OR7E24: variants seen among roughly 807,000 people sequenced by gnomAD.
The protein encoded by OR7E24 is olfactory receptor 7E24.
For missense variants in OR7E24, 385 were observed against 410.3 expected (o/e 0.94, Z 0.53); for synonymous variants, 130 against 157.5 (o/e 0.83, Z 1.31).
At chr19:9,226,766 T>C in the OR7E24 span, among the ~76,000 whole-genome samples, 13 of 152,178 alleles carry the variant, frequency 8.5e-5, no homozygotes, top group Non-Finnish European at 1.2e-4. Context: ...CTACTTACTT[T>C]TACAGCCTTT....
At chr19:9,246,251 G>A (rs1474869904), upstream of OR7E24, among the ~76,000 whole-genome samples, 2 of 151,374 alleles carry the variant, frequency 1.3e-5, no homozygotes, top group Non-Finnish European at 3.0e-5. Context: ...TGTATTTTTA[G>A]TAGAGACAGG....
At chr19:9,225,664 C>T in the OR7E24 span, among the ~76,000 whole-genome samples, 523 of 152,198 alleles carry the variant, frequency 3.4e-3, 3 homozygotes, top group South Asian at 6.4e-3. Flanking sequence ...TTCCCTAAAA[C>T]GACACAAAGG....
chr19:9,231,003 C>A, the OR7E24 span, among the ~76,000 whole-genome samples: 2 of 152,086 alleles, frequency 1.3e-5, no homozygotes, highest in African/African-American at 4.8e-5. Flanking sequence ...CCTCCGCCTC[C>A]GCCTTCAAGT....
chr19:9,251,091 G>C lies in OR7E24; in HGVS notation c.48G>C (p.Pro16=), dbSNP rs60144766. The change falls in exon 1 of 1, where the codon CCG becomes CCC. Residue 16 remains proline, a synonymous_variant. Transcript: ENST00000456448. ...ILFFFFLKRC[P]SYTEPQNLTG... ...TTTTTTTTTTCCTCAAAAGGTGTCC[G>C]AGCTACACAGAGCCACAGAATCTCA... 6.2e-7 allele frequency: 1 copy of C among 1,611,506 alleles called. No homozygotes were observed. The highest frequency in any genetic ancestry group is 8.5e-7 in the Non-Finnish European group (1 of 1,178,896).
the OR7E24 span, among the ~76,000 whole-genome samples, chr19:9,229,398 G>A: frequency 3.6e-4 from 54 of 151,928 alleles, no homozygotes; most frequent in Non-Finnish European, 7.4e-4. Flanking sequence ...AGCCGGGCGT[G>A]GTGGCAGGTG....
chr19:9,236,003 C>T, the OR7E24 span: 142 of 1,611,642 alleles, frequency 8.8e-5, no homozygotes, highest in Non-Finnish European at 1.2e-4. Flanking sequence ...ATGCTGAACC[C>T]CTTCATCTAC....
At chr19:9,214,686 G>A in the OR7E24 span, 1 of 1,614,184 alleles carries the variant, frequency 6.2e-7, no homozygotes, top group Non-Finnish European at 8.5e-7. Context: ...GTGGGAGTCA[G>A]AGCTGACGGC....
chr19:9,231,358 G>T, the OR7E24 span, among the ~76,000 whole-genome samples: 1 of 151,912 alleles, frequency 6.6e-6, no homozygotes, highest in African/African-American at 2.4e-5. Flanking sequence ...AAGGCGGGTG[G>T]ATCATGAGGT....
the OR7E24 span, chr19:9,210,671 A>G: frequency 7.2e-6 from 1 of 138,530 alleles, no homozygotes; most frequent in African/African-American, 3.1e-5. Flanking sequence ...TCATTAAAGA[A>G]TTTACTAGGT....
the OR7E24 span, chr19:9,208,208 T>G: frequency 6.6e-6 from 1 of 152,132 alleles, no homozygotes; most frequent in East Asian, 1.9e-4. Context: ...AGCTAATTTT[T>G]GTAATTTTAG....
At chr19:9,245,007 C>T (rs1176875122), upstream of OR7E24, among the ~76,000 whole-genome samples, 3 of 152,054 alleles carry the variant, frequency 2.0e-5, no homozygotes, top group Non-Finnish European at 4.4e-5. Flanking sequence ...AGTTCAAGAC[C>T]AGCCTGGCCA....
the OR7E24 span, chr19:9,209,736 C>G: frequency 6.6e-6 from 1 of 151,654 alleles, no homozygotes; most frequent in Non-Finnish European, 1.5e-5. Context: ...CTCACTGCAA[C>G]CTCTGCCTCC....
At chr19:9,215,897 T>G in the OR7E24 span, among the ~76,000 whole-genome samples, 1 of 152,284 alleles carries the variant, frequency 6.6e-6, no homozygotes, top group Non-Finnish European at 1.5e-5. Context: ...AAGACATACC[T>G]GAGACTGGGC....
the OR7E24 span, among the ~76,000 whole-genome samples, chr19:9,237,383 T>C: frequency 1.3e-5 from 2 of 152,150 alleles, no homozygotes; most frequent in African/African-American, 4.8e-5. Flanking sequence ...CGATCTCGGC[T>C]CACTGCAAGC....
At chr19:9,240,975 G>A in the OR7E24 span, among the ~76,000 whole-genome samples, 1,029 of 152,034 alleles carry the variant, frequency 6.8e-3, 17 homozygotes, top group African/African-American at 0.022. Context: ...CCGCCACCAC[G>A]CCTGGCTAAT....
Position 9,251,003 on chromosome 19 carries a change from G to T in OR7E24, c.-41G>T. 1 of 1,421,856 alleles carries T rather than the reference G, an allele frequency of 7.0e-7. No homozygotes were observed. The highest frequency in any genetic ancestry group is 9.4e-7 in the Non-Finnish European group (1 of 1,061,358). 88.1% of individuals were successfully genotyped at this position (1,421,856 alleles called of 1,614,324 possible). A position where few individuals can be genotyped will look rare whatever the true frequency, so the allele number is the denominator to read the frequency against. ...TGAAAACTTAATTTCTTAATTGCTT[G>T]TATCCAAAATATAGACACAGTGCTA... On this transcript the variant is annotated 5_prime_UTR_variant, in exon 1 of 1. Transcript: ENST00000456448.
At chr19:9,247,348 T>C (rs1371700359), upstream of OR7E24, 2 of 397,114 alleles carry the variant, frequency 5.0e-6, no homozygotes, top group Admixed American at 8.8e-5. Flanking sequence ...CAGTGTGAGC[T>C]TCCAGTCCAG....
chr19:9,223,309 A>C, the OR7E24 span, among the ~76,000 whole-genome samples: 60,064 of 152,086 alleles, frequency 0.39, 14,598 homozygotes, highest in African/African-American at 0.69. Context: ...AAATGGGAGG[A>C]TCAGCCCTTG....
the OR7E24 span, among the ~76,000 whole-genome samples, chr19:9,222,282 A>G: frequency 6.6e-6 from 1 of 152,170 alleles, no homozygotes; most frequent in Non-Finnish European, 1.5e-5. Context: ...TTTGGCTCAC[A>G]TTGCTTTAGC....
Sources: allele counts gnomAD v4.1 joint callset (sites outside exome capture counted in the v4.1 genomes callset), GRCh38; gene constraint gnomAD v4.1.1; transcripts MANE v1.5; gene names NCBI Gene and HGNC (gene_info 2026-07-23, HGNC 2026-07-21).